GUCA1C: variants seen among roughly 807,000 people sequenced by gnomAD.
The protein encoded by GUCA1C is guanylate cyclase activator 1C.
Under a neutral mutation model 16.2 loss-of-function variants are expected in GUCA1C, and 15 were observed. The ratio of observed to expected loss-of-function variants is 0.93; its 90% confidence interval spans 0.62 to 1.43. The LOEUF is 1.43. Among genes scored for constraint, GUCA1C ranks in the 40% most tolerant of loss-of-function variants. The pLI, the probability that GUCA1C is intolerant of heterozygous loss-of-function variation, is 0.00. For missense variants in GUCA1C, 275 were observed against 244.8 expected (o/e 1.12, Z -0.82); for synonymous variants, 78 against 85.4 (o/e 0.91, Z 0.48).
chr3:108,910,659 CTTT>C (rs200891013), intron 3 of GUCA1C, among the ~76,000 whole-genome samples: 1 of 150,226 alleles, frequency 6.7e-6, no homozygotes, highest in Admixed American at 6.6e-5. Flanking sequence ...TCTTCTTCTT[CTTT>C]TTTTTGAGAC....
intron 1 of GUCA1C, among the ~76,000 whole-genome samples, chr3:108,950,149 G>C (rs754233734): frequency 1.5e-4 from 23 of 152,234 alleles, no homozygotes; most frequent in Middle Eastern, 6.8e-3. Flanking sequence ...TGCATTACTT[G>C]TCTTTCTGTG....
intron 1 of GUCA1C, among the ~76,000 whole-genome samples, chr3:108,945,980 G>A (rs113429920): frequency 1.5e-4 from 23 of 152,258 alleles, no homozygotes; most frequent in East Asian, 1.2e-3. Context: ...TGGCCACCGC[G>A]CGAGTATTTA....
At chr3:108,946,891 GAAAAA>G (rs10607933) in intron 1 of GUCA1C, among the ~76,000 whole-genome samples, 82 of 96,392 alleles carry the variant, frequency 8.5e-4, no homozygotes, top group Non-Finnish European at 1.4e-3. Flanking sequence ...TCAAGAATCT[GAAAAA>G]AAAAAAAAAA....
chr3:108,907,955 G>T lies in GUCA1C; in HGVS notation c.*67C>A. On this transcript the variant is annotated 3_prime_UTR_variant, in exon 4 of 4. Coordinates refer to ENST00000261047, the MANE Select transcript of GUCA1C (RefSeq NM_005459.4). ...CCTGAAATCAACAGCATGTACATGG[G>T]GAAGATTCTATTTCTTCTCTACTGA... 8.7e-7 allele frequency: 1 copy of T among 1,146,252 alleles called. No individual in the cohort carries two copies. Among genetic ancestry groups the T allele is most frequent in the Non-Finnish European group, 1.3e-6 (1 of 790,486 alleles). 71.0% of individuals were successfully genotyped at this position (1,146,252 alleles called of 1,614,324 possible). A position where few individuals can be genotyped will look rare whatever the true frequency, so the allele number is the denominator to read the frequency against.
Position 108,908,061 on chromosome 3 carries a change from A to G in GUCA1C, c.591T>C (p.Ser197=), listed in dbSNP as rs1946409499. 2 of 1,613,690 alleles carry G rather than the reference A, an allele frequency of 1.2e-6. No individual in the cohort carries two copies. Among genetic ancestry groups the G allele is most frequent in the East Asian group, 4.5e-5 (2 of 44,856 alleles). The part of the protein sequence containing the change: ...QPDMETDSSK[S]PDKAGLGKVK... ...CCTTCCCTAGACCAGCCTTGTCAGG[A>G]GATTTGGAGGAGTCTGTCTCCATGT... is the stretch of plus-strand genomic sequence containing the variant. The change falls in exon 4 of 4, where the codon TCT becomes TCC. Residue 197 remains serine, a synonymous_variant. Transcript: ENST00000261047.
chr3:108,939,413 G>A (rs1946763307), intron 1 of GUCA1C, among the ~76,000 whole-genome samples: 4 of 128,704 alleles, frequency 3.1e-5, no homozygotes, highest in Admixed American at 9.4e-5. Flanking sequence ...TGCAACCTCC[G>A]CCTCCCGGGT....
intron 1 of GUCA1C, 146 bp from the exon 2 acceptor site, chr3:108,920,731 C>A: frequency 1.8e-6 from 1 of 557,262 alleles, no homozygotes; most frequent in East Asian, 3.1e-5. Context: ...CCTAGTGTTT[C>A]ATTTAAAAAA....
Position 108,920,591 on chromosome 3 carries a change from GA to G in GUCA1C, c.205-7del. ...AAAAAGTCAACAAATCCATCCTATG[GA>G]AAGTAAGATGAAAAGAGAAATAAAT... On this transcript the variant is annotated splice_region_variant and splice_polypyrimidine_tract_variant and intron_variant, in intron 1 of 3. Transcript: ENST00000261047. 1 of 1,418,832 alleles carries G rather than the reference GA, an allele frequency of 7.0e-7. No homozygotes were observed. Among genetic ancestry groups the G allele is most frequent in the Non-Finnish European group, 9.9e-7 (1 of 1,009,566 alleles). The allele number at this position is 1,418,832 out of a possible 1,614,324, so 87.9% of individuals were successfully genotyped here. A position where few individuals can be genotyped will look rare whatever the true frequency, so the allele number is the denominator to read the frequency against.
chr3:108,922,182 CACACACACACACACACACACATAT>C (rs199908347), intron 1 of GUCA1C, among the ~76,000 whole-genome samples: 34 of 129,552 alleles, frequency 2.6e-4, no homozygotes, highest in East Asian at 4.6e-4. Flanking sequence ...CACACACACA[CACACACACACACACACACACATAT>C]ATATATGGAT....
intron 1 of GUCA1C, among the ~76,000 whole-genome samples, chr3:108,922,178 C>T (rs866436074): frequency 8.1e-5 from 7 of 86,196 alleles, no homozygotes; most frequent in Admixed American, 7.9e-4. Context: ...CACACACACA[C>T]ACACACACAC....
intron 3 of GUCA1C, among the ~76,000 whole-genome samples, chr3:108,912,702 T>C (rs115669344): frequency 0.029 from 2,949 of 103,184 alleles, 116 homozygotes; most frequent in African/African-American, 0.11. Context: ...TACATGTATT[T>C]GTTAATTTCA....
chr3:108,944,939 A>G (rs1485740644), intron 1 of GUCA1C, among the ~76,000 whole-genome samples: 1 of 152,212 alleles, frequency 6.6e-6, no homozygotes, highest in Admixed American at 6.5e-5. Context: ...AGAGGAGTAA[A>G]CGGAGGGTGA....
chr3:108,923,756 C>G (rs1402004975), intron 1 of GUCA1C, among the ~76,000 whole-genome samples: 5 of 152,090 alleles, frequency 3.3e-5, no homozygotes, highest in Admixed American at 6.5e-5. Flanking sequence ...TGGTCATTTT[C>G]ACAATATTGA....
chr3:108,913,583 T>C (rs1171443455), intron 3 of GUCA1C, among the ~76,000 whole-genome samples: 1 of 152,110 alleles, frequency 6.6e-6, no homozygotes, highest in Non-Finnish European at 1.5e-5. Flanking sequence ...TTTGTTAACA[T>C]CTTTTTCTTG....
At chr3:108,923,958 G>C (rs1457163982) in intron 1 of GUCA1C, among the ~76,000 whole-genome samples, 1 of 152,168 alleles carries the variant, frequency 6.6e-6, no homozygotes, top group Non-Finnish European at 1.5e-5. Context: ...CTTGATCGCT[G>C]TTGGTGTATA....
At chr3:108,922,202 C>CACACAT (rs1255095633) in intron 1 of GUCA1C, among the ~76,000 whole-genome samples, 18 of 44,380 alleles carry the variant, frequency 4.1e-4, no homozygotes, top group East Asian at 1.4e-3. Flanking sequence ...CACACACACA[C>CACACAT]ATATATATAT....
chr3:108,940,194 G>C, intron 1 of GUCA1C, among the ~76,000 whole-genome samples: 1 of 152,320 alleles, frequency 6.6e-6, no homozygotes, highest in Admixed American at 6.5e-5. Context: ...ACCCTTAAGA[G>C]ATTGCAACTT....
chr3:108,908,645 A>G lies in GUCA1C; in HGVS notation c.443-436T>C, dbSNP rs946015930. ...GAAGAAATAATTCTTGGGACTGTCTAAAGCTGTGAGAAAGCTTCAACATGT... is the reference window on the plus strand; with the variant it reads ...GAAGAAATAATTCTTGGGACTGTCTGAAGCTGTGAGAAAGCTTCAACATGT... On this transcript the variant is annotated intron_variant, in intron 3 of 3. Coordinates refer to ENST00000261047, the MANE Select transcript of GUCA1C (RefSeq NM_005459.4). 2.0e-5 allele frequency among the ~76,000 whole-genome samples: 3 copies of G among 152,188 alleles called. No individual in the cohort carries two copies. The East Asian group carries it at 5.8e-4, about 29-fold the overall frequency.
chr3:108,910,413 G>C (rs1026405735), intron 3 of GUCA1C, among the ~76,000 whole-genome samples: 7 of 151,408 alleles, frequency 4.6e-5, no homozygotes, highest in Non-Finnish European at 1.0e-4. Context: ...CAGGAGATTC[G>C]CGTGAACCCG....
Sources: gnomAD v4.1 joint callset for allele counts (sites outside exome capture counted in the v4.1 genomes callset) on GRCh38, gnomAD v4.1.1 for gene constraint, MANE v1.5 for transcripts, NCBI Gene and HGNC (gene_info 2026-07-23, HGNC 2026-07-21) for gene names.